The following CSTF1 variants were observed in gnomAD, a reference collection of about 807,000 sequenced individuals.
CSTF1 encodes the protein CF-1 50 kDa subunit.
In CSTF1, 2 loss-of-function variants were observed where a neutral mutation model predicts 40.9. The ratio of observed to expected loss-of-function variants is 0.05; its 90% CI spans 0.02 to 0.15. The LOEUF is 0.15. Ranked by LOEUF, CSTF1 falls within the 10% of genes least tolerant of loss-of-function variation. The probability of loss-of-function intolerance (pLI) is 1.00; values close to 1 mark genes in which losing one functional copy is unlikely to be tolerated. For missense variants in CSTF1, 279 were observed against 558.9 expected (o/e 0.50, Z 5.05); for synonymous variants, 218 against 207.2 (o/e 1.05, Z -0.45).
In CSTF1 at chr20:56,397,235, G is replaced by A. The variant is rs900160298; in HGVS notation, c.198G>A (p.Gln66=). 6.2e-7 allele frequency: 1 copy of A among 1,614,040 alleles called. No individual in the cohort carries two copies. The highest frequency in any genetic ancestry group is 1.3e-5 in the African/African-American group (1 of 74,926). ...TGGAAAACGATGACACCGCAGTTCAGTATGCAATTGGTCGTTCAGATACTG... is the reference window on the plus strand; with the variant it reads ...TGGAAAACGATGACACCGCAGTTCAATATGCAATTGGTCGTTCAGATACTG... ...LGMENDDTAV[Q]YAIGRSDTVA... is the part of the protein sequence containing the mutation. Residue 66 remains glutamine (Q), a synonymous_variant, in exon 3 of 6, where the codon CAG becomes CAA. Coordinates refer to ENST00000217109, the MANE Select transcript of CSTF1 (RefSeq NM_001324.3). The surrounding 1 kb of genome is among the most constrained non-coding windows in gnomAD (Gnocchi z 4.4).
At chr20:56,395,396 A>C (rs920013825) in intron 1 of CSTF1, 125 bp from the exon 2 acceptor site, 2 of 584,338 alleles carry the variant, frequency 3.4e-6, no homozygotes, top group Non-Finnish European at 5.8e-6. Flanking sequence ...CACTGACCAA[A>C]GATAATGCAG....
Position 56,405,500 on chromosome 20 carries a change from C to G in CSTF1, c.*1773C>G, listed in dbSNP as rs932489040. On this transcript the variant is annotated 3_prime_UTR_variant, in exon 6 of 6. Transcript: ENST00000217109. Reference sequence around the variant, plus strand: ...CTAGGATTACAGGCGTGAGCCACCACGCGCGGCCCCATCATACGAAGTTAC... The same window carrying G: ...CTAGGATTACAGGCGTGAGCCACCAGGCGCGGCCCCATCATACGAAGTTAC... The G allele has an allele frequency of 6.6e-6, 1 of 152,196 alleles. No individual in the cohort carries two copies. Among genetic ancestry groups the G allele is most frequent in the Non-Finnish European group, 1.5e-5 (1 of 68,048 alleles). 9.4% of individuals were successfully genotyped at this position (152,196 alleles called of 1,614,324 possible).
rs1017601282 is a variant in CSTF1 at position 56,406,006 on chromosome 20, G to T, written c.*2279G>T. The T allele has an allele frequency of 6.6e-6, 1 of 152,182 alleles. No individual in the cohort carries two copies. Among genetic ancestry groups the T allele is most frequent in the Non-Finnish European group, 1.5e-5 (1 of 68,036 alleles). The allele number at this position is 152,182 out of a possible 1,614,324, so 9.4% of individuals were successfully genotyped here. A position where few individuals can be genotyped will look rare whatever the true frequency, so the allele number is the denominator to read the frequency against. On this transcript the variant is annotated 3_prime_UTR_variant, in exon 6 of 6. Coordinates refer to ENST00000217109, the MANE Select transcript of CSTF1 (RefSeq NM_001324.3). ...ATTAAAATAATGCCCATGTTTTACA[G>T]TTTTTCGAGTAGTCTCAGCAATGGA...
rs572088409 is a variant in CSTF1 at position 56,406,215 on chromosome 20, G to A, written c.*2488G>A. On this transcript the variant is annotated 3_prime_UTR_variant, in exon 6 of 6. Coordinates refer to ENST00000217109, the MANE Select transcript of CSTF1 (RefSeq NM_001324.3). Reference sequence around the variant, plus strand: ...GGTGTAAATGCCAGGAATATTATATGGACTTAGTATCTGCATCTCGTTAAT... The same window carrying A: ...GGTGTAAATGCCAGGAATATTATATAGACTTAGTATCTGCATCTCGTTAAT... The A allele has an allele frequency of 6.6e-6, 1 of 151,918 alleles. No individual in the cohort carries two copies. The highest frequency in any genetic ancestry group is 1.9e-4 in the East Asian group (1 of 5,162). 9.4% of individuals were successfully genotyped at this position (151,918 alleles called of 1,614,324 possible). A position where few individuals can be genotyped will look rare whatever the true frequency, so the allele number is the denominator to read the frequency against.
intron 1 of CSTF1, among the ~76,000 whole-genome samples, chr20:56,393,883 C>G (rs1987418757): frequency 6.6e-6 from 1 of 152,126 alleles, no homozygotes; most frequent in Admixed American, 6.5e-5. Context: ...AAAGCCTCTT[C>G]CCGCCTGCTG....
chr20:56,395,803 T>C, intron 2 of CSTF1, 82 bp downstream of exon 2: 1 of 1,504,028 alleles, frequency 6.6e-7, no homozygotes, highest in East Asian at 2.3e-5. Flanking sequence ...AGATTATTCT[T>C]GTTTTGTTTC....
chr20:56,392,819 G>C (rs1337398910), intron 1 of CSTF1, 106 bp downstream of exon 1: 1 of 152,216 alleles, frequency 6.6e-6, no homozygotes, highest in Non-Finnish European at 1.5e-5. Context: ...TAGCAAGGTG[G>C]CATGCGCCTC....
chr20:56,397,099 G>T lies in CSTF1; in HGVS notation c.170-108G>T. ...GGTGTCACGCGGCTCCAAGAAATAG[G>T]AGGTTGACACTGGTGAGCATCTTTC... On this transcript the variant is annotated intron_variant, in intron 2 of 5. Coordinates refer to ENST00000217109, the MANE Select transcript of CSTF1 (RefSeq NM_001324.3). This position sits in a 1 kb window ranked among gnomAD's most constrained non-coding sequence, Gnocchi z 4.4. 8.4e-7 allele frequency: 1 copy of T among 1,188,572 alleles called. No homozygotes were observed. The highest frequency in any genetic ancestry group is 1.2e-6 in the Non-Finnish European group (1 of 841,792). 73.6% of individuals were successfully genotyped at this position (1,188,572 alleles called of 1,614,324 possible).
chr20:56,401,046 GATAATA>G (rs990918637), intron 5 of CSTF1, among the ~76,000 whole-genome samples: 1 of 151,850 alleles, frequency 6.6e-6, no homozygotes, highest in Admixed American at 6.6e-5. Flanking sequence ...CTCAAAAAAT[GATAATA>G]ATAATAATTA....
intron 1 of CSTF1, among the ~76,000 whole-genome samples, chr20:56,394,439 T>G (rs1376065675): frequency 6.6e-6 from 1 of 152,054 alleles, no homozygotes; most frequent in Non-Finnish European, 1.5e-5. Flanking sequence ...ATACAAAAAT[T>G]AGCCTGGTGT....
rs1020472957 is a variant in CSTF1, at chr20:56,404,320, G to C, written c.*593G>C. The C allele has an allele frequency of 6.6e-6, 1 of 152,246 alleles. No individual in the cohort carries two copies. Among genetic ancestry groups the C allele is most frequent in the Admixed American group, 6.5e-5 (1 of 15,276 alleles). 9.4% of individuals were successfully genotyped at this position (152,246 alleles called of 1,614,324 possible). A position where few individuals can be genotyped will look rare whatever the true frequency, so the allele number is the denominator to read the frequency against. ...GCCAGTTTTTCCTGACAATTTATAG[G>C]AACAGTATCTTTCAACATACTCCCT... On this transcript the variant is annotated 3_prime_UTR_variant, in exon 6 of 6. Transcript: ENST00000217109.
chr20:56,401,268 G>A (rs541037121), intron 5 of CSTF1, among the ~76,000 whole-genome samples: 2 of 152,154 alleles, frequency 1.3e-5, no homozygotes, highest in South Asian at 2.1e-4. Flanking sequence ...GTCCAAACTC[G>A]AGAAAAAAGG....
Position 56,393,131 on chromosome 20 carries a change from T to TATATAC in CSTF1, c.-33+419_-33+420insTATACA, listed in dbSNP as rs1555858061. Among the ~76,000 whole-genome samples, 321 of 135,892 alleles carry TATATAC rather than the reference T, an allele frequency of 2.4e-3. 1 individual carries two copies. The highest frequency in any genetic ancestry group is 3.3e-3 in the Non-Finnish European group (216 of 64,654). The allele number at this position is 135,892 out of a possible 152,430, so 89.2% of individuals were successfully genotyped here. A position where few individuals can be genotyped will look rare whatever the true frequency, so the allele number is the denominator to read the frequency against. The stretch of plus-strand genomic sequence containing the variant: ...GGGCCACTTAAAATATATATATATA[T>TATATAC]ACACACACACACACATATACATATA... On this transcript the variant is annotated intron_variant, in intron 1 of 5. Transcript: ENST00000217109.
At chr20:56,396,162 C>A (rs573747614) in intron 2 of CSTF1, among the ~76,000 whole-genome samples, 8 of 152,306 alleles carry the variant, frequency 5.3e-5, no homozygotes, top group Non-Finnish European at 1.2e-4. Context: ...TCCTTACCTC[C>A]ACACTTCCCA....
At position 56,397,176 on chromosome 20, in the gene CSTF1, T is replaced by C. The variant is rs745629337; in HGVS notation, c.170-31T>C. On this transcript the variant is annotated intron_variant, in intron 2 of 5. Coordinates refer to ENST00000217109, the MANE Select transcript of CSTF1 (RefSeq NM_001324.3). The surrounding 1 kb of genome is among the most constrained non-coding windows in gnomAD (Gnocchi z 4.4). ...GCCTTTTTAAGAAAAAACACTTGTTTTGTTACGCCCTTAATTTTGATTTCT... is the reference window on the plus strand; with the variant it reads ...GCCTTTTTAAGAAAAAACACTTGTTCTGTTACGCCCTTAATTTTGATTTCT... 6 of 1,587,706 alleles carry C rather than the reference T, an allele frequency of 3.8e-6. No individual in the cohort carries two copies. Among genetic ancestry groups the C allele is most frequent in the Non-Finnish European group, 5.1e-6 (6 of 1,166,010 alleles).
rs565582750 is a variant in CSTF1, at chr20:56,403,885, T to C, written c.*158T>C. 601 of 736,096 alleles carry C rather than the reference T, an allele frequency of 8.2e-4. 2 individuals carry two copies. Among genetic ancestry groups the C allele is most frequent in the South Asian group, 3.8e-3 (198 of 52,230 alleles). 45.6% of individuals were successfully genotyped at this position (736,096 alleles called of 1,614,324 possible). A position where few individuals can be genotyped will look rare whatever the true frequency, so the allele number is the denominator to read the frequency against. ...TGTATAAAAGAATCTTTTTTTACCT[T>C]GATGTAGAATCATGGTGGAAAAAGT... On this transcript the variant is annotated 3_prime_UTR_variant, in exon 6 of 6. Coordinates refer to ENST00000217109, the MANE Select transcript of CSTF1 (RefSeq NM_001324.3).
intron 4 of CSTF1, among the ~76,000 whole-genome samples, chr20:56,398,156 AT>A (rs1978321795): frequency 6.6e-6 from 1 of 152,236 alleles, no homozygotes. Context: ...ACTTAGAGGA[AT>A]AAAAAAAAAG....
intron 2 of CSTF1, chr20:56,396,810 G>A (rs1000407747): frequency 1.9e-5 from 3 of 160,276 alleles, no homozygotes; most frequent in African/African-American, 7.2e-5. Context: ...TAACAATGTA[G>A]CTAACTTAAC....
Position 56,404,580 on chromosome 20 carries a change from C to G in CSTF1, c.*853C>G, listed in dbSNP as rs1978625140. The G allele has an allele frequency of 6.6e-6, 1 of 151,962 alleles. No homozygotes were observed. The highest frequency in any genetic ancestry group is 1.9e-4 in the East Asian group (1 of 5,186). 9.4% of individuals were successfully genotyped at this position (151,962 alleles called of 1,614,324 possible). On this transcript the variant is annotated 3_prime_UTR_variant, in exon 6 of 6. Transcript: ENST00000217109. ...GAACTAACTTCTCATCATGGAGGCA[C>G]ATAGTAACTGCATTCTCAGAAGATT...
Sources: gnomAD v4.1 joint callset for allele counts (sites outside exome capture counted in the v4.1 genomes callset) on GRCh38, gnomAD v4.1.1 for gene constraint, Gnocchi (gnomAD v3.1) non-coding constraint, MANE v1.5 for transcripts, NCBI Gene and HGNC (gene_info 2026-07-23, HGNC 2026-07-21) for gene names.